MAP7: variants seen among roughly 807,000 people sequenced by gnomAD.
The protein encoded by MAP7 is ensconsin.
A neutral mutation model predicts 94.8 loss-of-function variants in MAP7; 52 were observed. The ratio of observed to expected loss-of-function variants is 0.55; its 90% confidence interval spans 0.44 to 0.69. The LOEUF (loss-of-function observed/expected upper bound fraction) is 0.69, where lower values mean the gene tolerates loss of function less well. MAP7 is among the 30% of genes least tolerant of loss of function. MAP7 has a pLI of 0.00. For missense variants in MAP7, 940 were observed against 964.6 expected (o/e 0.97, Z 0.34); for synonymous variants, 350 against 357.0 (o/e 0.98, Z 0.22).
intron 10 of MAP7, chr6:136,364,655 A>G (rs1427033636): frequency 5.7e-6 from 1 of 175,024 alleles, no homozygotes; most frequent in Non-Finnish European, 1.2e-5. Flanking sequence ...TACATTGTAC[A>G]TTCCTCCTCA....
rs374954036 is a variant in MAP7, at chr6:136,534,160, T to G, written c.67+16182A>C. On this transcript the variant is annotated intron_variant, in intron 1 of 17. Transcript: ENST00000354570. ...CTTCCACGAAATAGAACCAATAGTA[T>G]TTTTGGTTGTTTCTCTGGAGAGAAA... is the stretch of plus-strand genomic sequence containing the variant. 5.5e-4 allele frequency among the ~76,000 whole-genome samples: 84 copies of G among 152,288 alleles called. 1 individual carries two copies. The South Asian group carries it at 0.017, about 31-fold the overall frequency.
In MAP7 at chr6:136,550,316, C is replaced by T; in HGVS notation, c.67+26G>A. On this transcript the variant is annotated intron_variant, in intron 1 of 17. Transcript: ENST00000354570. The surrounding 1 kb of genome is among the most constrained non-coding windows in gnomAD (Gnocchi z 5.1). ...CTCGCCGTCCCCTGCCCGACGGGAC[C>T]CCCACTATCCCCGCTGTGCGGTCAC... 1 of 1,492,836 alleles carries T rather than the reference C, an allele frequency of 6.7e-7. No individual in the cohort carries two copies. The highest frequency in any genetic ancestry group is 8.9e-7 in the Non-Finnish European group (1 of 1,126,768). 92.5% of individuals were successfully genotyped at this position (1,492,836 alleles called of 1,614,324 possible).
intron 1 of MAP7, among the ~76,000 whole-genome samples, chr6:136,434,108 C>T (rs1327903829): frequency 2.6e-5 from 4 of 151,992 alleles, no homozygotes; most frequent in Admixed American, 2.0e-4. Flanking sequence ...GAGTTCGAGA[C>T]CAGCCTGGCC....
intron 7 of MAP7, among the ~76,000 whole-genome samples, chr6:136,376,940 T>A (rs1316988247): frequency 6.6e-6 from 1 of 152,168 alleles, no homozygotes; most frequent in African/African-American, 2.4e-5. Flanking sequence ...TGAGGGCTAG[T>A]AGACTGTTTA....
chr6:136,546,993 C>G (rs1434571484), intron 1 of MAP7, among the ~76,000 whole-genome samples: 2 of 152,162 alleles, frequency 1.3e-5, no homozygotes, highest in Non-Finnish European at 2.9e-5. Context: ...AAGGTAACAG[C>G]CATATAGGAT....
At chr6:136,497,738 G>A (rs1583070066) in intron 1 of MAP7, among the ~76,000 whole-genome samples, 1 of 145,568 alleles carries the variant, frequency 6.9e-6, no homozygotes, top group Non-Finnish European at 1.5e-5. Context: ...GGTGGATGCT[G>A]CAGTGAGCCG....
intron 8 of MAP7, among the ~76,000 whole-genome samples, chr6:136,370,301 T>C (rs151044502): frequency 4.6e-5 from 7 of 152,348 alleles, no homozygotes; most frequent in African/African-American, 1.7e-4. Flanking sequence ...TACAGAAATC[T>C]TTGTGCACTG....
At chr6:136,467,574 C>A (rs1387620374) in intron 1 of MAP7, among the ~76,000 whole-genome samples, 1 of 152,162 alleles carries the variant, frequency 6.6e-6, no homozygotes, top group Non-Finnish European at 1.5e-5. Context: ...AAATATTGGT[C>A]CTCAGAGTTT....
At chr6:136,360,665 C>A in intron 13 of MAP7, 32 bp downstream of exon 13, 1 of 1,598,184 alleles carries the variant, frequency 6.3e-7, no homozygotes. Context: ...TGCAAGTTCG[C>A]GTCCCGGGCC....
intron 1 of MAP7, among the ~76,000 whole-genome samples, chr6:136,505,644 C>T (rs955724107): frequency 7.2e-5 from 11 of 151,768 alleles, no homozygotes; most frequent in East Asian, 1.9e-4. Flanking sequence ...TGGGGCCTAC[C>T]GGAGGACAAG....
intron 1 of MAP7, among the ~76,000 whole-genome samples, chr6:136,440,943 C>T (rs4605899): frequency 0.016 from 2,424 of 152,158 alleles, 86 homozygotes; most frequent in East Asian, 0.14. Flanking sequence ...CAAGATCATG[C>T]GGCACCTCTC....
chr6:136,490,818 G>A (rs1816350751), intron 1 of MAP7, among the ~76,000 whole-genome samples: 1 of 152,154 alleles, frequency 6.6e-6, no homozygotes, highest in African/African-American at 2.4e-5. Flanking sequence ...CACTGCTTCT[G>A]TGGGCCTGAG....
At chr6:136,448,564 G>A (rs7763601) in intron 1 of MAP7, among the ~76,000 whole-genome samples, 98 of 151,968 alleles carry the variant, frequency 6.4e-4, no homozygotes, top group African/African-American at 2.1e-3. Flanking sequence ...ACAGGCGCCC[G>A]CCACCACGCC....
At chr6:136,420,034 T>A in intron 2 of MAP7, 1 of 842,282 alleles carries the variant, frequency 1.2e-6, no homozygotes, top group Non-Finnish European at 2.1e-6. Context: ...TTGATGCTGA[T>A]AAACTTCCAA....
At chr6:136,541,651 C>A (rs921450799) in intron 1 of MAP7, among the ~76,000 whole-genome samples, 1 of 152,178 alleles carries the variant, frequency 6.6e-6, no homozygotes, top group Admixed American at 6.5e-5. Context: ...TCCTCCTTGG[C>A]ACTTTCTCAT....
At chr6:136,470,047 T>C (rs1375754924) in intron 1 of MAP7, among the ~76,000 whole-genome samples, 1 of 152,020 alleles carries the variant, frequency 6.6e-6, no homozygotes, top group African/African-American at 2.4e-5. Flanking sequence ...AGCTCTTTCC[T>C]CCATTCTTGT....
intron 1 of MAP7, among the ~76,000 whole-genome samples, chr6:136,478,113 A>G (rs1484085124): frequency 6.6e-6 from 1 of 152,222 alleles, no homozygotes; most frequent in Non-Finnish European, 1.5e-5. Flanking sequence ...CAAACACATT[A>G]TACCAAAACC....
chr6:136,357,971 G>A (rs1172553027), intron 15 of MAP7, among the ~76,000 whole-genome samples: 1 of 152,128 alleles, frequency 6.6e-6, no homozygotes. Flanking sequence ...CTGTAAACTC[G>A]CCTGCCTGCA....
At chr6:136,452,383 G>A (rs923530914) in intron 1 of MAP7, among the ~76,000 whole-genome samples, 1 of 152,126 alleles carries the variant, frequency 6.6e-6, no homozygotes, top group Non-Finnish European at 1.5e-5. Context: ...GAGAGGAACT[G>A]ACCCCAATTT....
Sources: allele counts gnomAD v4.1 joint callset (sites outside exome capture counted in the v4.1 genomes callset), GRCh38; gene constraint gnomAD v4.1.1; non-coding constraint Gnocchi (gnomAD v3.1); transcripts MANE v1.5; gene names NCBI Gene and HGNC (gene_info 2026-07-23, HGNC 2026-07-21).